The following SHC2 variants were observed in gnomAD, a reference collection of about 807,000 sequenced individuals.
SHC2 encodes the protein SHC adaptor protein 2.
A neutral mutation model predicts 60.6 loss-of-function variants in SHC2; 62 were observed. That is an observed-to-expected ratio of 1.02 (90% confidence interval 0.83 to 1.26). The LOEUF is 1.26. Among genes scored for constraint, SHC2 ranks in the 50% most tolerant of loss-of-function variants. SHC2 has a pLI of 0.00. For synonymous variants in SHC2, 375 were observed against 372.4 expected, an observed-to-expected ratio of 1.01 and a Z score of -0.08; for missense variants, 873 against 822.2, an observed-to-expected ratio of 1.06 and a Z score of -0.76.
chr19:444,470 AC>A (rs1975002542), intron 1 of SHC2, among the ~76,000 whole-genome samples: 1 of 150,346 alleles, frequency 6.7e-6, no homozygotes, highest in Non-Finnish European at 1.5e-5. Flanking sequence ...TGCGGCTGAA[AC>A]CCTGAACTGT....
At position 425,433 on chromosome 19, in the gene SHC2, G is replaced by C. The variant is rs550155697; in HGVS notation, c.1175-202C>G. On this transcript the variant is annotated intron_variant, in intron 9 of 12. Transcript: ENST00000264554. The surrounding 1 kb of genome is among the most constrained non-coding windows in gnomAD (Gnocchi z 4.1). ...CATCTTACAGCAGCAAAGCCCCGTC[G>C]GGGCTCCAACCAGGGACAAGAGTGG... Among the ~76,000 whole-genome samples, 8 of 152,190 alleles carry C rather than the reference G, an allele frequency of 5.3e-5. No individual in the cohort carries two copies. Among genetic ancestry groups the C allele is most frequent in the Non-Finnish European group, 7.3e-5 (5 of 68,038 alleles).
At chr19:421,412 A>AAAG (rs1365422568) in intron 11 of SHC2, among the ~76,000 whole-genome samples, 3,327 of 143,766 alleles carry the variant, frequency 0.023, 68 homozygotes, top group East Asian at 0.054. Flanking sequence ...AAAAAAAAAA[A>AAAG]AAAAGAAAAG....
At chr19:420,742 A>T (rs1248257448) in intron 11 of SHC2, among the ~76,000 whole-genome samples, 1 of 152,158 alleles carries the variant, frequency 6.6e-6, no homozygotes, top group Non-Finnish European at 1.5e-5. Context: ...AGGCGGGGAG[A>T]GTGTATATCT....
At chr19:447,472 C>A (rs1232311361) in intron 1 of SHC2, among the ~76,000 whole-genome samples, 1 of 152,224 alleles carries the variant, frequency 6.6e-6, no homozygotes, top group African/African-American at 2.4e-5. Context: ...CGAATTATAT[C>A]TGCTTTTTCA....
chr19:422,172 G>T lies in SHC2; in HGVS notation c.1594C>A (p.Leu532Met). ...TGMHAGQPKH[L>M]LLVDPEGVVR... ...ACGCCCTCGGGGTCCACGAGCAGCAGGTGCTTGGGCTGCCCGGCGTGCATG... is the reference window on the plus strand; with the variant it reads ...ACGCCCTCGGGGTCCACGAGCAGCATGTGCTTGGGCTGCCCGGCGTGCATG... Residue 532 changes from leucine (L) to methionine (M), a missense_variant, in exon 11 of 13, where the codon CTG becomes ATG. Physicochemically the swap from Leu to Met is conservative, Grantham distance 15. Coordinates refer to ENST00000264554, the MANE Select transcript of SHC2 (RefSeq NM_012435.3). The surrounding 1 kb of genome is among the most constrained non-coding windows in gnomAD (Gnocchi z 5.0). 3 of 1,611,628 alleles carry T rather than the reference G, an allele frequency of 1.9e-6. No individual in the cohort carries two copies. Among genetic ancestry groups the T allele is most frequent in the Non-Finnish European group, 2.5e-6 (3 of 1,179,014 alleles).
rs1974722603 is a variant in SHC2, at chr19:436,427, A to G, written c.779T>C (p.Met260Thr). The G allele has an allele frequency of 2.5e-6, 4 of 1,601,852 alleles. No individual in the cohort carries two copies. The highest frequency in any genetic ancestry group is 3.4e-6 in the Non-Finnish European group (4 of 1,173,788). The change falls in exon 6 of 13, where the codon ATG becomes ACG. Residue 260 changes from methionine to threonine, a missense_variant. Met to Thr is a moderately conservative substitution (Grantham distance 81). Coordinates refer to ENST00000264554, the MANE Select transcript of SHC2 (RefSeq NM_012435.3). ...GGCGACGTAGGCCACGTAATCCGTC[A>G]TGTCCTGGGGGCGGGGAGGGGCCAG... ...ISFASGGDTD[M>T]TDYVAYVAKD...
At chr19:459,596 G>T (rs1362499768) in intron 1 of SHC2, among the ~76,000 whole-genome samples, 3 of 149,662 alleles carry the variant, frequency 2.0e-5, no homozygotes, top group Non-Finnish European at 4.4e-5. Context: ...TCAGCGTAGG[G>T]GGAAGGACCC....
intron 8 of SHC2, 57 bp downstream of exon 8, chr19:434,652 C>T: frequency 2.1e-6 from 3 of 1,418,554 alleles, no homozygotes; most frequent in Non-Finnish European, 2.8e-6. Flanking sequence ...GAGGTAGGTC[C>T]AGGGAACCAG....
chr19:458,150 A>G (rs1286523948), intron 1 of SHC2, among the ~76,000 whole-genome samples: 310 of 54,464 alleles, frequency 5.7e-3, no homozygotes, highest in African/African-American at 0.011. Context: ...TTCCGGGGAG[A>G]CGGAAGCGGG....
At chr19:443,310 GTGGATGGGTGGATGGA>G (rs1406895216) in intron 1 of SHC2, among the ~76,000 whole-genome samples, 6 of 132,130 alleles carry the variant, frequency 4.5e-5, no homozygotes, top group East Asian at 5.1e-4. Flanking sequence ...GGGTGGATGA[GTGGATGGGTGGATGGA>G]TGGATGGGTG....
At position 420,751 on chromosome 19, in the gene SHC2, C is replaced by T. The variant is rs140273861; in HGVS notation, c.1620+1395G>A. Among the ~76,000 whole-genome samples the T allele has an allele frequency of 1.5e-3, 235 of 152,288 alleles. 3 individuals are homozygous for T. In the East Asian group the frequency reaches 0.042, roughly 27 times the overall value. ...AAATTCAGGCGGGGAGAGTGTATAT[C>T]TTAGAACTGAAGCAGTTAGGCCGGG... On this transcript the variant is annotated intron_variant, in intron 11 of 12. Coordinates refer to ENST00000264554, the MANE Select transcript of SHC2 (RefSeq NM_012435.3).
Position 436,439 on chromosome 19 carries a change from C to T in SHC2, c.775-8G>A, listed in dbSNP as rs12976891. On this transcript the variant is annotated splice_polypyrimidine_tract_variant and splice_region_variant and intron_variant, in intron 5 of 12. Coordinates refer to ENST00000264554, the MANE Select transcript of SHC2 (RefSeq NM_012435.3). ...CACGTAATCCGTCATGTCCTGGGGG[C>T]GGGGAGGGGCCAGCTGGACCTGCCT... 14,045 of 1,601,414 alleles carry T rather than the reference C, an allele frequency of 8.8e-3. 87 individuals carry two copies. Among genetic ancestry groups the T allele is most frequent in the Non-Finnish European group, 0.01 (11,895 of 1,173,782 alleles).
At chr19:427,371 T>A (rs1282038403) in intron 9 of SHC2, among the ~76,000 whole-genome samples, 1 of 152,074 alleles carries the variant, frequency 6.6e-6, no homozygotes, top group African/African-American at 2.4e-5. Context: ...AGAGAAGGGC[T>A]CGTGGGAACG....
At chr19:448,673 C>T (rs777258596) in intron 1 of SHC2, among the ~76,000 whole-genome samples, 6 of 152,278 alleles carry the variant, frequency 3.9e-5, no homozygotes, top group East Asian at 1.9e-4. Flanking sequence ...CCTCCTGACA[C>T]GAAGGGCTGG....
intron 1 of SHC2, among the ~76,000 whole-genome samples, chr19:460,142 C>G (rs1005566426): frequency 6.6e-6 from 1 of 152,252 alleles, no homozygotes; most frequent in African/African-American, 2.4e-5. Flanking sequence ...TCCCGCACCC[C>G]CACCGCAGGC....
chr19:443,590 A>AGGG (rs1974969672), intron 1 of SHC2, among the ~76,000 whole-genome samples: 1 of 126,134 alleles, frequency 7.9e-6, no homozygotes, highest in Non-Finnish European at 1.6e-5. Context: ...GGGTGGATGA[A>AGGG]TGGATGGATG....
intron 1 of SHC2, among the ~76,000 whole-genome samples, chr19:442,302 T>G (rs1974891329): frequency 6.9e-6 from 1 of 145,152 alleles, no homozygotes; most frequent in African/African-American, 2.6e-5. Flanking sequence ...GGTAGATGGA[T>G]GGACAGGCAG....
In SHC2 at chr19:440,711, G is replaced by T; in HGVS notation, c.539+151C>A. 2 of 679,548 alleles carry T rather than the reference G, an allele frequency of 2.9e-6. No homozygotes were observed. Among genetic ancestry groups the T allele is most frequent in the Non-Finnish European group, 5.3e-6 (2 of 378,672 alleles). 42.1% of individuals were successfully genotyped at this position (679,548 alleles called of 1,614,324 possible). On this transcript the variant is annotated intron_variant, in intron 2 of 12. Transcript: ENST00000264554. The surrounding 1 kb of genome is among the most constrained non-coding windows in gnomAD (Gnocchi z 7.0). ...GGCGTGGGGACAGGGCGGAGACGTG[G>T]CGTGAAGTGGGAGGGAGGTGGGGGG...
intron 8 of SHC2, among the ~76,000 whole-genome samples, chr19:431,490 C>CAGAT (rs770662751): frequency 5.2e-5 from 2 of 38,784 alleles, no homozygotes; most frequent in Admixed American, 2.4e-4. Context: ...GGAGGCCGGG[C>CAGAT]AGATGGCGCT....
Sources: gnomAD v4.1 joint callset for allele counts (sites outside exome capture counted in the v4.1 genomes callset) on GRCh38, gnomAD v4.1.1 for gene constraint, Gnocchi (gnomAD v3.1) non-coding constraint, MANE v1.5 for transcripts, NCBI Gene and HGNC (gene_info 2026-07-23, HGNC 2026-07-21) for gene names.